The following PIBF1 variants were observed in gnomAD, a reference collection of about 807,000 sequenced individuals.
PIBF1 encodes progesterone immunomodulatory binding factor 1.
In PIBF1, 90 loss-of-function variants were observed where a neutral mutation model predicts 112.5. The ratio of observed to expected loss-of-function variants is 0.80; its 90% CI spans 0.67 to 0.95. PIBF1 has a LOEUF of 0.95. PIBF1 is among the 40% of genes least tolerant of loss of function. The pLI is 0.00. For synonymous variants in PIBF1, 301 were observed against 288.6 expected (o/e 1.04, Z -0.44); for missense variants, 915 against 852.3 (o/e 1.07, Z -0.92).
At chr13:72,851,124 G>A (rs888011141) in intron 9 of PIBF1, among the ~76,000 whole-genome samples, 5 of 152,182 alleles carry the variant, frequency 3.3e-5, no homozygotes, top group South Asian at 2.1e-4. Context: ...GGGGAGGCGC[G>A]TCCAGGGCTG....
chr13:72,929,788 G>T, intron 13 of PIBF1, among the ~76,000 whole-genome samples: 1 of 152,076 alleles, frequency 6.6e-6, no homozygotes, highest in Non-Finnish European at 1.5e-5. Context: ...ATAAACTTTT[G>T]CCAGAACTCA....
chr13:72,881,047 A>G (rs1566398845), intron 10 of PIBF1: 1 of 152,310 alleles, frequency 6.6e-6, no homozygotes, highest in South Asian at 2.1e-4. Context: ...AGGGCAGTCA[A>G]ATTGTTAAGG....
chr13:72,917,106 T>C lies in PIBF1; in HGVS notation c.1670T>C (p.Leu557Pro). The C allele has an allele frequency of 6.3e-7, 1 of 1,597,050 alleles. No homozygotes were observed. The highest frequency in any genetic ancestry group is 8.5e-7 in the Non-Finnish European group (1 of 1,171,324). Reference protein sequence around the residue: ...IENEDEAERVLFSYGYGANVP... With the variant: ...IENEDEAERVPFSYGYGANVP... ...AATGAAGATGAGGCTGAAAGGGTTC[T>C]TTTTTCCTACGGCTATGGTGCTAAT... The change falls in exon 13 of 18, where the codon CTT becomes CCT. Residue 557 changes from leucine to proline, a missense_variant. Transcript: ENST00000326291.
At chr13:72,800,542 CTCCG>C (rs2035418468) in intron 5 of PIBF1, among the ~76,000 whole-genome samples, 2 of 152,184 alleles carry the variant, frequency 1.3e-5, no homozygotes, top group Admixed American at 1.3e-4. Context: ...TTAACAGCTT[CTCCG>C]TCCGTAAAAT....
At chr13:72,997,675 A>G (rs1324141958) in intron 16 of PIBF1, among the ~76,000 whole-genome samples, 1 of 152,184 alleles carries the variant, frequency 6.6e-6, no homozygotes, top group African/African-American at 2.4e-5. Flanking sequence ...CTATAAACAG[A>G]TTAGTAGAAG....
intron 3 of PIBF1, among the ~76,000 whole-genome samples, chr13:72,793,953 T>A (rs1488613301): frequency 6.6e-6 from 1 of 152,032 alleles, no homozygotes; most frequent in Admixed American, 6.6e-5. Context: ...AATCTGGGGA[T>A]CATTAGGCTA....
chr13:72,790,514 GATAGATAGATAGATAGATA>G (rs2034861987), intron 2 of PIBF1, among the ~76,000 whole-genome samples: 2 of 11,892 alleles, frequency 1.7e-4, no homozygotes, highest in Non-Finnish European at 6.9e-4. Context: ...CACACACATA[GATAGATAGATAGATAGATA>G]GATAGATAGA....
intron 16 of PIBF1, among the ~76,000 whole-genome samples, chr13:72,990,943 GCA>G (rs1240828366): frequency 2.0e-5 from 3 of 152,200 alleles, no homozygotes; most frequent in Non-Finnish European, 4.4e-5. Flanking sequence ...CAAGAGAGAT[GCA>G]CAGAGTTATA....
intron 10 of PIBF1, among the ~76,000 whole-genome samples, chr13:72,860,298 T>G (rs75568879): frequency 7.3e-6 from 1 of 136,864 alleles, no homozygotes; most frequent in African/African-American, 2.8e-5. Context: ...TTTCCCTGTG[T>G]TTTTTTAGGG....
chr13:73,006,528 A>G (rs1367478829), intron 17 of PIBF1, among the ~76,000 whole-genome samples: 4 of 152,184 alleles, frequency 2.6e-5, no homozygotes, highest in South Asian at 2.1e-4. Context: ...GGACTTCTCA[A>G]TATTTACTTA....
intron 14 of PIBF1, among the ~76,000 whole-genome samples, chr13:72,959,947 A>G (rs1043813386): frequency 6.6e-6 from 1 of 152,226 alleles, no homozygotes; most frequent in Admixed American, 6.5e-5. Context: ...CTTTTTGAAT[A>G]GTAATTATTA....
chr13:72,814,850 T>TA (rs879436777), intron 5 of PIBF1, among the ~76,000 whole-genome samples: 3 of 152,190 alleles, frequency 2.0e-5, no homozygotes, highest in Non-Finnish European at 4.4e-5. Flanking sequence ...GGAAAATACA[T>TA]ACAGTTCTAT....
chr13:72,927,393 AC>A (rs1157257811), intron 13 of PIBF1, among the ~76,000 whole-genome samples: 1 of 152,130 alleles, frequency 6.6e-6, no homozygotes, highest in Non-Finnish European at 1.5e-5. Context: ...GGTCCCAGCT[AC>A]TGAGGAGGCT....
intron 6 of PIBF1, 42 bp from the exon 7 acceptor site, chr13:72,826,968 G>C: frequency 1.7e-6 from 2 of 1,186,638 alleles, no homozygotes; most frequent in Non-Finnish European, 2.5e-6. Context: ...CTGTACAAGG[G>C]GATGTAAAAT....
At chr13:72,979,635 C>T (rs2043106230) in intron 16 of PIBF1, among the ~76,000 whole-genome samples, 1 of 152,028 alleles carries the variant, frequency 6.6e-6, no homozygotes, top group Non-Finnish European at 1.5e-5. Context: ...ATTTAAGAAG[C>T]ATAATTGGCC....
chr13:72,852,175 C>A (rs1291864935), intron 9 of PIBF1, among the ~76,000 whole-genome samples: 2 of 152,188 alleles, frequency 1.3e-5, no homozygotes, highest in African/African-American at 4.8e-5. Context: ...CACATTGCAA[C>A]AAGGAGAGAA....
chr13:72,857,696 C>G (rs919437593), intron 10 of PIBF1, among the ~76,000 whole-genome samples: 1 of 152,034 alleles, frequency 6.6e-6, no homozygotes, highest in African/African-American at 2.4e-5. Context: ...AAATATTAGC[C>G]TGGCATAGTG....
At chr13:72,865,965 A>G (rs2038907847) in intron 10 of PIBF1, among the ~76,000 whole-genome samples, 1 of 152,216 alleles carries the variant, frequency 6.6e-6, no homozygotes, top group Admixed American at 6.5e-5. Context: ...TCTCCATTCT[A>G]GAGGCCAGAA....
intron 10 of PIBF1, among the ~76,000 whole-genome samples, chr13:72,881,608 T>G (rs1021540031): frequency 6.6e-6 from 1 of 150,966 alleles, no homozygotes; most frequent in African/African-American, 2.4e-5. Context: ...CCTAGCTACT[T>G]GGGAGGCTGA....
Sources: allele counts gnomAD v4.1 joint callset (sites outside exome capture counted in the v4.1 genomes callset), GRCh38; gene constraint gnomAD v4.1.1; transcripts MANE v1.5; gene names NCBI Gene and HGNC (gene_info 2026-07-23, HGNC 2026-07-21).